The following TTN variants were observed in gnomAD, a reference collection of about 807,000 sequenced individuals.
TTN encodes the protein titin, also known as connectin.
In TTN, 1,525 loss-of-function variants were observed where a neutral mutation model predicts 3,223.0. The ratio of observed to expected loss-of-function variants is 0.47; its 90% CI spans 0.45 to 0.49. TTN has a LOEUF of 0.49. TTN is among the 20% of genes least tolerant of loss of function. The probability of loss-of-function intolerance (pLI) is 0.00; values close to 1 mark genes in which losing one functional copy is unlikely to be tolerated. For missense variants in TTN, 40,786 were observed against 43,424.0 expected, an observed-to-expected ratio of 0.94 and a Z score of 5.40; for synonymous variants, 14,094 against 15,161.0, an observed-to-expected ratio of 0.93 and a Z score of 5.17.
In TTN at chr2:178,569,649, C is replaced by T. The variant is rs773127796; in HGVS notation, c.76483G>A (p.Val25495Ile). The T allele has an allele frequency of 8.6e-5, 138 of 1,612,010 alleles. 2 individuals are homozygous for T. In the South Asian group the frequency reaches 1.1e-3, roughly 13 times the overall value. Residue 25495 changes from valine (V) to isoleucine (I), a missense_variant, in exon 326 of 363, where the codon GTC becomes ATC. Coordinates refer to ENST00000589042, the MANE Select transcript of TTN (RefSeq NM_001267550.2). ...NKAGVGEHAD[V>I]PGPIIVEEKL... The stretch of plus-strand genomic sequence containing the variant: ...TCTTCAACTATAATAGGTCCAGGGA[C>T]GTCAGCATGTTCTCCAACTCCAGCT...
intron 245 of TTN, 24 bp downstream of exon 245, chr2:178,621,450 AG>A: frequency 6.3e-7 from 1 of 1,591,914 alleles, no homozygotes; most frequent in Non-Finnish European, 8.5e-7. Flanking sequence ...TAGAAATAAA[AG>A]ATTATTCACT....
At chr2:178,802,428 G>A (rs1014682736) in intron 2 of TTN, 87 bp from the exon 3 acceptor site, 14 of 1,464,288 alleles carry the variant, frequency 9.6e-6, no homozygotes, top group Admixed American at 3.9e-5. Flanking sequence ...TGCCTTGTCC[G>A]AATCTGTAAA....
intron 218 of TTN, among the ~76,000 whole-genome samples, chr2:178,642,773 G>C (rs910949851): frequency 1.3e-5 from 2 of 151,914 alleles, no homozygotes; most frequent in Non-Finnish European, 2.9e-5. Context: ...CAAGAGTTCC[G>C]GTTTGTGACT....
intron 47 of TTN, chr2:178,746,390 G>C: frequency 6.2e-7 from 1 of 1,609,782 alleles, no homozygotes; most frequent in Non-Finnish European, 8.5e-7. Context: ...ATGGTCAGGA[G>C]TAAATTCGGG....
intron 282 of TTN, among the ~76,000 whole-genome samples, chr2:178,603,107 T>G (rs2053885453): frequency 6.6e-6 from 1 of 152,010 alleles, no homozygotes; most frequent in African/African-American, 2.4e-5. Flanking sequence ...AGAAATTCTT[T>G]TACTGTACTT....
At chr2:178,580,800 A>G (rs920762447) in intron 316 of TTN, 191 bp from the exon 317 acceptor site, 17 of 631,384 alleles carry the variant, frequency 2.7e-5, no homozygotes, top group Middle Eastern at 4.4e-4. Flanking sequence ...ATTTTCCACT[A>G]TGCTTTAGGC....
intron 135 of TTN, among the ~76,000 whole-genome samples, chr2:178,682,116 TAGAG>T (rs1395905782): frequency 6.6e-6 from 1 of 152,006 alleles, no homozygotes; most frequent in Non-Finnish European, 1.5e-5. Context: ...AAAATTTCAA[TAGAG>T]ATTTATTCTT....
At position 178,740,646 on chromosome 2, in the gene TTN, G is replaced by A. The variant is rs370912401; in HGVS notation, c.12587C>T (p.Ser4196Leu). ...PSAMSIEQINSLTVEPLKTLL... is the reference protein window; with the variant it reads ...PSAMSIEQINLLTVEPLKTLL... ...AGTTTTCAGAGGCTCAACTGTTAAT[G>A]AATTAATTTGTTCTATGGACATGGC... Residue 4196 changes from serine (S) to leucine (L), a missense_variant, in exon 48 of 363, where the codon TCA becomes TTA. Transcript: ENST00000589042. The A allele has an allele frequency of 6.2e-7, 1 of 1,613,638 alleles. No individual in the cohort carries two copies. The highest frequency in any genetic ancestry group is 8.5e-7 in the Non-Finnish European group (1 of 1,179,814).
chr2:178,664,423 C>T (rs763637342), intron 168 of TTN, 37 bp downstream of exon 168: 5 of 1,500,368 alleles, frequency 3.3e-6, no homozygotes, highest in South Asian at 1.2e-5. Context: ...ATCGCCCCAC[C>T]CACTATCCCA....
chr2:178,710,133 A>G (rs1560557975), intron 98 of TTN, among the ~76,000 whole-genome samples: 1 of 152,180 alleles, frequency 6.6e-6, no homozygotes, highest in Non-Finnish European at 1.5e-5. Flanking sequence ...TATCATAGGG[A>G]ATATATAAAG....
chr2:178,565,282 G>A lies in TTN; in HGVS notation c.80850C>T (p.Tyr26950=), dbSNP rs794729291. 6.2e-7 allele frequency: 1 copy of A among 1,613,612 alleles called. No homozygotes were observed. Among genetic ancestry groups the A allele is most frequent in the Non-Finnish European group, 8.5e-7 (1 of 1,179,694 alleles). Residue 26950 remains tyrosine (Y), a synonymous_variant, in exon 326 of 363, where the codon TAC becomes TAT. Coordinates refer to ENST00000589042, the MANE Select transcript of TTN (RefSeq NM_001267550.2). ...CTGCACTATTTGTTGCCGTTACGGT[G>A]TATTTTCCAAAGTCATCTTTGTTAC... ...KEGNKDDFGK[Y]TVTATNSAGT... is the part of the protein sequence containing the mutation.
Position 178,766,620 on chromosome 2 carries a change from T to C in TTN, c.9472-8A>G. The C allele has an allele frequency of 6.2e-7, 1 of 1,607,872 alleles. No homozygotes were observed. Among genetic ancestry groups the C allele is most frequent in the Non-Finnish European group, 8.5e-7 (1 of 1,175,450 alleles). ...ACGCTGTTTCTCAATGACCTGTTGA[T>C]GGAACAACATAAAAAAACAACAACA... On this transcript the variant is annotated splice_region_variant and splice_polypyrimidine_tract_variant and intron_variant, in intron 40 of 362. Transcript: ENST00000589042.
chr2:178,604,026 T>A lies in TTN; in HGVS notation c.54661A>T (p.Ile18221Leu), dbSNP rs375091820. The change falls in exon 282 of 363, where the codon ATA becomes TTA. Residue 18221 changes from isoleucine to leucine, a missense_variant. Ile to Leu is a conservative substitution (Grantham distance 5, BLOSUM62 2). Coordinates refer to ENST00000589042, the MANE Select transcript of TTN (RefSeq NM_001267550.2). ...PYWSRVSRAPITKVGLKGVEF... is the reference protein window; with the variant it reads ...PYWSRVSRAPLTKVGLKGVEF... The stretch of plus-strand genomic sequence containing the variant: ...ACGCCTTTCAATCCCACTTTGGTTA[T>A]TGGTGCTCGGCTAACACGTGACCAA... 6.2e-7 allele frequency: 1 copy of A among 1,612,992 alleles called. No homozygotes were observed. The highest frequency in any genetic ancestry group is 1.1e-5 in the South Asian group (1 of 91,028).
At chr2:178,550,539 A>T in intron 336 of TTN, 1 of 465,580 alleles carries the variant, frequency 2.1e-6, no homozygotes, top group East Asian at 3.8e-5. Context: ...ACATTTACAG[A>T]TCATGTACTT....
At position 178,588,716 on chromosome 2, in the gene TTN, C is replaced by G. The variant is rs794729472; in HGVS notation, c.63009G>C (p.Lys21003Asn). ...KSITGYFLEK[K>N]EKHSTRWVPV... ...GGACCCATCGTGTTGAATGCTTTTC[C>G]TTTTTCTCCAAAAAGTATCCAGTTA... The change falls in exon 304 of 363, where the codon AAG becomes AAC. Residue 21003 changes from lysine to asparagine, a missense_variant. Lys to Asn is a moderately conservative substitution (Grantham distance 94). Transcript: ENST00000589042. The G allele has an allele frequency of 6.8e-6, 11 of 1,613,124 alleles. No homozygotes were observed. Among genetic ancestry groups the G allele is most frequent in the Non-Finnish European group, 9.3e-6 (11 of 1,179,488 alleles).
chr2:178,790,896 A>T, intron 10 of TTN, 51 bp from the exon 11 acceptor site: 1 of 1,604,484 alleles, frequency 6.2e-7, no homozygotes, highest in Non-Finnish European at 8.5e-7. Context: ...TACAAAAGCA[A>T]TGGGAAGACA....
intron 242 of TTN, 94 bp from the exon 243 acceptor site, chr2:178,622,861 T>A: frequency 1.0e-6 from 1 of 987,474 alleles, no homozygotes; most frequent in Non-Finnish European, 1.5e-6. Flanking sequence ...GACTCTTTTT[T>A]AGGGATTTTC....
chr2:178,774,979 G>GTAA lies in TTN; in HGVS notation c.6729_6731dup (p.Tyr2244dup). On this transcript the variant is annotated inframe_insertion, in exon 29 of 363. Transcript: ENST00000589042. ...TTTCATCTTCCACAAGTACACAGCT[G>GTAA]TAATCTTCAGCATCAGACGTATCAA... is the stretch of plus-strand genomic sequence containing the variant. 6.2e-7 allele frequency: 1 copy of GTAA among 1,613,952 alleles called. No homozygotes were observed. Among genetic ancestry groups the GTAA allele is most frequent in the Non-Finnish European group, 8.5e-7 (1 of 1,179,924 alleles).
At chr2:178,698,052 C>T (rs982721642) in intron 112 of TTN, among the ~76,000 whole-genome samples, 2 of 152,124 alleles carry the variant, frequency 1.3e-5, no homozygotes, top group Non-Finnish European at 2.9e-5. Context: ...CAATGGAATA[C>T]TATTCAGCCT....
Sources: gnomAD v4.1 joint callset for allele counts (sites outside exome capture counted in the v4.1 genomes callset) on GRCh38, gnomAD v4.1.1 for gene constraint, MANE v1.5 for transcripts, NCBI Gene and HGNC (gene_info 2026-07-23, HGNC 2026-07-21) for gene names.